Variants in PIEZO1 observed in about 807,000 individuals in gnomAD.
The protein encoded by PIEZO1 is piezo-type mechanosensitive ion channel component 1.
A neutral mutation model predicts 297.2 loss-of-function variants in PIEZO1; 296 were observed. The observed-to-expected ratio is 1.00, with a 90% CI of 0.91 to 1.10. PIEZO1 has a LOEUF of 1.10. PIEZO1 is among the 50% of genes least tolerant of loss of function. The pLI is 0.00. For synonymous variants in PIEZO1, 2,427 were observed against 1,507.5 expected (o/e 1.61, Z -14.13); for missense variants, 5,018 against 3,455.5 (o/e 1.45, Z -11.34).
chr16:88,782,390 G>A (rs1907975323), intron 1 of PIEZO1, among the ~76,000 whole-genome samples: 1 of 152,302 alleles, frequency 6.6e-6, no homozygotes, highest in South Asian at 2.1e-4. Context: ...GGGATTACAG[G>A]TGTGAGCCAT....
intron 44 of PIEZO1, 133 bp from the exon 45 acceptor site, chr16:88,717,344 T>G (rs1430281159): frequency 2.7e-6 from 2 of 733,354 alleles, no homozygotes; most frequent in Non-Finnish European, 4.7e-6. Context: ...GTAGTAATGG[T>G]GGGCAGACAC....
chr16:88,734,711 T>C lies in PIEZO1; in HGVS notation c.1936A>G (p.Thr646Ala). ...GCAGGGAAGTCCTGGAACTGGAAGG[T>C]GTAGACGGCGATGAGGACCAGCATG... ...YTMLVLIAVY[T>A]FQFQDFPAYW... The change falls in exon 15 of 51, where the codon ACC becomes GCC. Residue 646 changes from threonine (T) to alanine (A), a missense_variant. Transcript: ENST00000301015. 3.2e-6 allele frequency: 5 copies of C among 1,550,266 alleles called. No homozygotes were observed. Among genetic ancestry groups the C allele is most frequent in the Non-Finnish European group, 4.4e-6 (5 of 1,146,934 alleles).
intron 19 of PIEZO1, 88 bp from the exon 20 acceptor site, chr16:88,732,820 G>A (rs1904955132): frequency 2.3e-6 from 3 of 1,331,788 alleles, no homozygotes; most frequent in Admixed American, 5.3e-5. Context: ...CAGCTCTGGG[G>A]CAGGTCCACT....
rs753334715 is a variant in PIEZO1 at position 88,733,635 on chromosome 16, C to T, written c.2440G>A (p.Val814Ile). The part of the protein sequence containing the change: ...VFLRRLLELH[V>I]FKLVALYTVW... ...GTGTACAGGGCCACCAGCTTGAAAACGTGAAGCTCCAGCAGCCGCCGCAGG... is the reference window on the plus strand; with the variant it reads ...GTGTACAGGGCCACCAGCTTGAAAATGTGAAGCTCCAGCAGCCGCCGCAGG... Residue 814 changes from valine to isoleucine, a missense_variant, in exon 18 of 51, where the codon GTT becomes ATT. Transcript: ENST00000301015. 46 of 1,549,514 alleles carry T rather than the reference C, an allele frequency of 3.0e-5. 1 individual carries two copies. Among genetic ancestry groups the T allele is most frequent in the Admixed American group, 2.4e-4 (12 of 50,920 alleles).
At chr16:88,770,066 G>C (rs186930146) in intron 1 of PIEZO1, among the ~76,000 whole-genome samples, 1 of 152,178 alleles carries the variant, frequency 6.6e-6, no homozygotes, top group African/African-American at 2.4e-5. Context: ...CCCGTCCCCA[G>C]GGAAGAGGAC....
chr16:88,780,592 G>C (rs1597492192), intron 1 of PIEZO1, among the ~76,000 whole-genome samples: 1 of 152,322 alleles, frequency 6.6e-6, no homozygotes, highest in East Asian at 1.9e-4. Context: ...CTGTGAGCTA[G>C]GATTCTCTAC....
At chr16:88,726,139 A>T (rs927059923) in intron 27 of PIEZO1, 145 bp downstream of exon 27, 2 of 674,340 alleles carry the variant, frequency 3.0e-6, no homozygotes, top group Non-Finnish European at 4.9e-6. Flanking sequence ...GCCGGCCTTC[A>T]TTCTCCCTCT....
chr16:88,719,199 A>G (rs1461048645), intron 44 of PIEZO1: 1 of 240,852 alleles, frequency 4.2e-6, no homozygotes, highest in Non-Finnish European at 8.2e-6. Context: ...CTGTGAATCC[A>G]CTAGAAACCC....
At chr16:88,748,543 G>A (rs566276902) in intron 2 of PIEZO1, among the ~76,000 whole-genome samples, 4 of 151,390 alleles carry the variant, frequency 2.6e-5, no homozygotes, top group South Asian at 2.1e-4. Context: ...ACCCCACAGC[G>A]GGCAGCGGGA....
intron 1 of PIEZO1, among the ~76,000 whole-genome samples, chr16:88,772,181 A>G (rs1907455439): frequency 6.6e-6 from 1 of 152,130 alleles, no homozygotes; most frequent in Non-Finnish European, 1.5e-5. Flanking sequence ...TGTCAGAATG[A>G]CCATCCCTGG....
In PIEZO1 at chr16:88,726,933, C is replaced by A. The variant is rs759554729; in HGVS notation, c.3481G>T (p.Ala1161Ser). 45 of 1,550,298 alleles carry A rather than the reference C, an allele frequency of 2.9e-5. No homozygotes were observed. Among genetic ancestry groups the A allele is most frequent in the Non-Finnish European group, 9.6e-6 (11 of 1,146,918 alleles). ...AGCCAGAACAGGTATCGGAAGACGG[C>A]CACCTTCAGCATGTCAAGGTAGGAC... ...CRSYLDMLKV[A>S]VFRYLFWLVL... is the part of the protein sequence containing the mutation. Residue 1161 changes from alanine (A) to serine (S), a missense_variant, in exon 25 of 51, where the codon GCC (alanine) becomes TCC (serine). Ala to Ser is a moderately conservative substitution (Grantham distance 99). Transcript: ENST00000301015.
intron 22 of PIEZO1, chr16:88,727,963 A>G (rs1422690244): frequency 4.2e-6 from 1 of 236,602 alleles, no homozygotes; most frequent in Non-Finnish European, 8.2e-6. Context: ...ATGATAGGAC[A>G]GTGCGTGTGA....
At chr16:88,763,086 G>A (rs1458136906) in intron 1 of PIEZO1, among the ~76,000 whole-genome samples, 1 of 152,216 alleles carries the variant, frequency 6.6e-6, no homozygotes, top group Non-Finnish European at 1.5e-5. Flanking sequence ...CAGGTCCAGG[G>A]GTAGAGCCAG....
Position 88,732,671 on chromosome 16 carries a change from C to T in PIEZO1, c.2726G>A (p.Gly909Glu), listed in dbSNP as rs1334026030. The change falls in exon 20 of 51, where the codon GGG becomes GAG. Residue 909 changes from glycine to glutamate, a missense_variant. Gly to Glu is a moderately conservative substitution (Grantham distance 98, BLOSUM62 -2). Transcript: ENST00000301015. ...AAACCAGTTGGCAGGGTCCACGGGC[C>T]CCCGGTACAGCAGGGACTGGCTGAT... ...TEISQSLLYR[G>E]PVDPANWFGV... 6.5e-7 allele frequency: 1 copy of T among 1,549,556 alleles called. No homozygotes were observed. The highest frequency in any genetic ancestry group is 1.4e-5 in the African/African-American group (1 of 73,036).
rs1392216058 is a variant in PIEZO1 at position 88,732,752 on chromosome 16, C to G, written c.2665-20G>C. On this transcript the variant is annotated intron_variant, in intron 19 of 50. Transcript: ENST00000301015. ...GAAGGGCTGGCAAGAGGCCAGGCAT[C>G]AGTGCCCCCTCCCAGGCCACAGTGC... 1 of 1,530,358 alleles carries G rather than the reference C, an allele frequency of 6.5e-7. No homozygotes were observed. Among genetic ancestry groups the G allele is most frequent in the South Asian group, 1.2e-5 (1 of 81,684 alleles). 94.8% of individuals were successfully genotyped at this position (1,530,358 alleles called of 1,614,324 possible).
chr16:88,721,848 G>A lies in PIEZO1; in HGVS notation c.5174C>T (p.Pro1725Leu). 6.5e-7 allele frequency: 1 copy of A among 1,549,336 alleles called. No individual in the cohort carries two copies. The highest frequency in any genetic ancestry group is 8.7e-7 in the Non-Finnish European group (1 of 1,146,680). Reference protein sequence around the residue: ...FLWAMLSIPRPSKRFWMTAIV... With the variant: ...FLWAMLSIPRLSKRFWMTAIV... ...GGCCGTCATCCAGAAGCGCTTGCTG[G>A]GCCTCGGGATCGACAGCATGGCCCA... Residue 1725 changes from proline to leucine, a missense_variant, in exon 37 of 51, where the codon CCC (proline) becomes CTC (leucine). Transcript: ENST00000301015.
Position 88,725,473 on chromosome 16 carries a change from C to T in PIEZO1, c.4105G>A (p.Val1369Met). ...AKQEKHRQGR[V>M]DRSRPQDTLG... ...GTGTCCTGGGGGCGACTGCGGTCCA[C>T]CCGGCCCTGCCTGTGCTTCTCCTGC... is the stretch of plus-strand genomic sequence containing the variant. Residue 1369 changes from valine to methionine, a missense_variant, in exon 29 of 51, where the codon GTG (valine) becomes ATG (methionine). Val to Met is a conservative substitution (Grantham distance 21). Coordinates refer to ENST00000301015, the MANE Select transcript of PIEZO1 (RefSeq NM_001142864.4). The T allele has an allele frequency of 6.6e-6, 10 of 1,519,684 alleles. No individual in the cohort carries two copies. The highest frequency in any genetic ancestry group is 8.9e-6 in the Non-Finnish European group (10 of 1,129,720). The allele number at this position is 1,519,684 out of a possible 1,614,324, so 94.1% of individuals were successfully genotyped here.
Position 88,723,997 on chromosome 16 carries a change from A to C in PIEZO1, c.4235-26T>G, listed in dbSNP as rs1339277283. ...CTGTGGGCAGGCAGCACTGAGAGCC[A>C]GCCTTCCATGCAGGGAGACTCCCAG... is the stretch of plus-strand genomic sequence containing the variant. On this transcript the variant is annotated intron_variant, in intron 30 of 50. Coordinates refer to ENST00000301015, the MANE Select transcript of PIEZO1 (RefSeq NM_001142864.4). The C allele has an allele frequency of 3.6e-6, 5 of 1,379,424 alleles. No homozygotes were observed. The South Asian group carries it at 6.2e-5, about 17-fold the overall frequency. 85.4% of individuals were successfully genotyped at this position (1,379,424 alleles called of 1,614,324 possible). A position where few individuals can be genotyped will look rare whatever the true frequency, so the allele number is the denominator to read the frequency against.
At chr16:88,734,083 C>A in intron 16 of PIEZO1, 29 bp from the exon 17 acceptor site, 1 of 1,481,548 alleles carries the variant, frequency 6.7e-7, no homozygotes, top group Non-Finnish European at 9.0e-7. Context: ...ATGTCATCTC[C>A]CAACTGGGTT....
Sources: gnomAD v4.1 joint callset for allele counts (sites outside exome capture counted in the v4.1 genomes callset) on GRCh38, gnomAD v4.1.1 for gene constraint, MANE v1.5 for transcripts, NCBI Gene and HGNC (gene_info 2026-07-23, HGNC 2026-07-21) for gene names.